The following POLG variants were observed in gnomAD, a reference collection of about 807,000 sequenced individuals.
POLG encodes the protein DNA polymerase gamma, catalytic subunit, also known as DNA polymerase subunit gamma-1.
Under a neutral mutation model 155.4 loss-of-function variants are expected in POLG, and 110 were observed. The ratio of observed to expected loss-of-function variants is 0.71; its 90% CI spans 0.61 to 0.83. The LOEUF (loss-of-function observed/expected upper bound fraction) is 0.83. POLG is among the 40% of genes least tolerant of loss of function. POLG has a pLI of 0.00. For missense variants in POLG, 1,685 were observed against 1,627.5 expected (o/e 1.04, Z -0.61); for synonymous variants, 701 against 631.5 (o/e 1.11, Z -1.65).
rs1567189935 is a variant in POLG at position 89,325,241 on chromosome 15, AGTGAGTG to A, written c.1949+202_1949+208del. On this transcript the variant is annotated intron_variant, in intron 10 of 22. Coordinates refer to ENST00000268124, the MANE Select transcript of POLG (RefSeq NM_002693.3). Reference sequence around the variant, plus strand: ...GAGTGAGAGAGTGAGTGAGAGAGTGAGTGAGTGAGAGAGAGAGTGAGTGAGTGAGTGA... The same window carrying A: ...GAGTGAGAGAGTGAGTGAGAGAGTGAAGAGAGAGAGTGAGTGAGTGAGTGA... Among the ~76,000 whole-genome samples the A allele has an allele frequency of 8.6e-4, 90 of 104,648 alleles. 16 individuals are homozygous for A. The highest frequency in any genetic ancestry group is 4.0e-3 in the African/African-American group (87 of 21,618). The allele number at this position is 104,648 out of a possible 152,430, so 68.7% of individuals were successfully genotyped here.
rs1567189977 is a variant in POLG, at chr15:89,325,255, AG to A, written c.1949+194del. 7.4e-4 allele frequency among the ~76,000 whole-genome samples: 29 copies of A among 39,216 alleles called. 8 individuals carry two copies. Among genetic ancestry groups the A allele is most frequent in the African/African-American group, 5.0e-3 (28 of 5,564 alleles). 25.7% of individuals were successfully genotyped at this position (39,216 alleles called of 152,430 possible). A position where few individuals can be genotyped will look rare whatever the true frequency, so the allele number is the denominator to read the frequency against. On this transcript the variant is annotated intron_variant, in intron 10 of 22. Transcript: ENST00000268124. ...GTGAGAGAGTGAGTGAGTGAGAGAG[AG>A]AGTGAGTGAGTGAGTGAGAGAGAGA...
Position 89,326,617 on chromosome 15 carries a change from G to T in POLG, c.1707C>A (p.His569Gln), listed in dbSNP as rs1567190758. Residue 569 changes from histidine (H) to glutamine (Q), a missense_variant, in exon 9 of 23, where the codon CAC becomes CAA. His to Gln is a conservative substitution (Grantham distance 24). Around this residue, in one of 3 missense-constraint regions of POLG, gnomAD observed 1,210 missense variants for 1,167.1 expected, o/e 1.04. Coordinates refer to ENST00000268124, the MANE Select transcript of POLG (RefSeq NM_002693.3). ...TGGGGGTGGGCAGGGCTCACCCAGGGTGTCCAGGAAGGTGCTGGGGCCGCT... is the reference window on the plus strand; with the variant it reads ...TGGGGGTGGGCAGGGCTCACCCAGGTTGTCCAGGAAGGTGCTGGGGCCGCT... ...LPKRPQHLPG[H>Q]PGWYRKLCPR... The T allele has an allele frequency of 6.2e-7, 1 of 1,613,750 alleles. No individual in the cohort carries two copies. The highest frequency in any genetic ancestry group is 1.1e-5 in the South Asian group (1 of 91,090).
At position 89,330,256 on chromosome 15, in the gene POLG, C is replaced by T. The variant is rs1462699597; in HGVS notation, c.680G>A (p.Arg227Gln). Residue 227 changes from arginine to glutamine, a missense_variant, in exon 3 of 23, where the codon CGG (arginine) becomes CAG (glutamine). Around this residue, in one of 3 missense-constraint regions of POLG, gnomAD observed 1,210 missense variants for 1,167.1 expected, o/e 1.04. Transcript: ENST00000268124. Reference sequence around the variant, plus strand: ...CCAAGAGTAACGCTCTTCCACCAGCCGCTGGCTGCACCAGGAATACCTGAG... The same window carrying T: ...CCAAGAGTAACGCTCTTCCACCAGCTGCTGGCTGCACCAGGAATACCTGAG... The part of the protein sequence containing the change: ...PSAWYSWCSQ[R>Q]LVEERYSWTS... The T allele has an allele frequency of 3.7e-6, 6 of 1,611,918 alleles. No individual in the cohort carries two copies. The highest frequency in any genetic ancestry group is 4.5e-5 in the East Asian group (2 of 44,876).
At chr15:89,321,934 A>G in intron 15 of POLG, 28 bp downstream of exon 15, 1 of 1,612,892 alleles carries the variant, frequency 6.2e-7, no homozygotes, top group Non-Finnish European at 8.5e-7. Context: ...CAGTTCTCCT[A>G]TCCCTACAAC....
intron 10 of POLG, chr15:89,324,440 T>C: frequency 1.5e-6 from 1 of 647,306 alleles, no homozygotes; most frequent in Non-Finnish European, 2.8e-6. Context: ...TTCAAGGCCT[T>C]GTCTCACTCA....
In POLG at chr15:89,325,197, AGTG is replaced by A. The variant is rs1567189779; in HGVS notation, c.1949+250_1949+252del. ...GAGTGAGAGAGTGAGTGAGTGAGAG[AGTG>A]AGTGAGAGAGTGAGTGAGTGAGAGA... On this transcript the variant is annotated intron_variant, in intron 10 of 22. Transcript: ENST00000268124. 4.0e-4 allele frequency among the ~76,000 whole-genome samples: 34 copies of A among 84,162 alleles called. 5 individuals carry two copies. The highest frequency in any genetic ancestry group is 1.5e-3 in the African/African-American group (31 of 20,366). 55.2% of individuals were successfully genotyped at this position (84,162 alleles called of 152,430 possible).
rs200072446 is a variant in POLG at position 89,325,065 on chromosome 15, T to A, written c.1949+385A>T. 4.7e-3 allele frequency among the ~76,000 whole-genome samples: 416 copies of A among 87,882 alleles called. 42 individuals are homozygous for A. The highest frequency in any genetic ancestry group is 0.018 in the African/African-American group (322 of 17,510). The allele number at this position is 87,882 out of a possible 152,430, so 57.7% of individuals were successfully genotyped here. A position where few individuals can be genotyped will look rare whatever the true frequency, so the allele number is the denominator to read the frequency against. Reference sequence around the variant, plus strand: ...GTGAGTGAGTGAGTGAGAGAGTGAGTGAGTGAGTGAGTGAGTGAGAGAGTG... The same window carrying A: ...GTGAGTGAGTGAGTGAGAGAGTGAGAGAGTGAGTGAGTGAGTGAGAGAGTG... On this transcript the variant is annotated intron_variant, in intron 10 of 22. Transcript: ENST00000268124.
chr15:89,321,879 G>A lies in POLG; in HGVS notation c.2481-26C>T, dbSNP rs112776049. ...CTGGTGGGGTGCAGGGGAAGGAAAT[G>A]GGTCTTAGCAGGGTGCTTTGGCCTT... On this transcript the variant is annotated intron_variant, in intron 15 of 22. Coordinates refer to ENST00000268124, the MANE Select transcript of POLG (RefSeq NM_002693.3). The A allele has an allele frequency of 1.0e-4, 167 of 1,607,880 alleles. 2 individuals are homozygous for A. In the African/African-American group the frequency reaches 1.9e-3, roughly 18 times the overall value.
intron 18 of POLG, among the ~76,000 whole-genome samples, chr15:89,320,557 G>A (rs1209598000): frequency 6.6e-6 from 1 of 152,216 alleles, no homozygotes; most frequent in Non-Finnish European, 1.5e-5. Flanking sequence ...TTACTCCCAT[G>A]AGGAAAAACT....
Position 89,326,768 on chromosome 15 carries a change from CAGG to C in POLG, c.1586-33_1586-31del, listed in dbSNP as rs1567190938. ...GAGGGTGGGGGAAGACAATCAGGAG[CAGG>C]AGAAGGAACTCTCAATAAGATCTGC... On this transcript the variant is annotated intron_variant, in intron 8 of 22. Coordinates refer to ENST00000268124, the MANE Select transcript of POLG (RefSeq NM_002693.3). 20 of 1,614,008 alleles carry C rather than the reference CAGG, an allele frequency of 1.2e-5. No homozygotes were observed. The highest frequency in any genetic ancestry group is 1.7e-5 in the Admixed American group (1 of 60,030).
In POLG at chr15:89,328,242, C is replaced by A. The variant is rs540868546; in HGVS notation, c.1250+214G>T. Among the ~76,000 whole-genome samples, 9 of 152,332 alleles carry A rather than the reference C, an allele frequency of 5.9e-5. No individual in the cohort carries two copies. In the South Asian group the frequency reaches 1.9e-3, roughly 32 times the overall value. On this transcript the variant is annotated intron_variant, in intron 6 of 22. Transcript: ENST00000268124. ...AAACCAGGACCGTGCACATGACACACAAGCACAACTCCATGGCCCTCCCCT... is the reference window on the plus strand; with the variant it reads ...AAACCAGGACCGTGCACATGACACAAAAGCACAACTCCATGGCCCTCCCCT...
intron 14 of POLG, 56 bp from the exon 15 acceptor site, chr15:89,322,071 C>A: frequency 6.6e-7 from 1 of 1,522,534 alleles, no homozygotes; most frequent in South Asian, 1.1e-5. Flanking sequence ...GAATCTATCC[C>A]ACATCCCACC....
At chr15:89,331,666 C>T (rs2055595600) in intron 2 of POLG, among the ~76,000 whole-genome samples, 1 of 152,214 alleles carries the variant, frequency 6.6e-6, no homozygotes, top group Non-Finnish European at 1.5e-5. Context: ...ACCGCTTCTC[C>T]TCCCATTGTA....
In POLG at chr15:89,328,699, G is replaced by T. The variant is rs199759055; in HGVS notation, c.1156C>A (p.Arg386Ser). Reference protein sequence around the residue: ...LFVKGTMKDIRENFQDLMQYC... With the variant: ...LFVKGTMKDISENFQDLMQYC... ...CAGCACCATACCTGGAAGTTCTCACGAATGTCCTTCATGGTGCCCTTCACA... is the reference window on the plus strand; with the variant it reads ...CAGCACCATACCTGGAAGTTCTCACTAATGTCCTTCATGGTGCCCTTCACA... The change falls in exon 5 of 23, where the codon CGT becomes AGT. Residue 386 changes from arginine (R) to serine (S), a missense_variant. Physicochemically the swap from Arg to Ser is moderately radical, Grantham distance 110. Around this residue, in one of 3 missense-constraint regions of POLG, gnomAD observed 1,210 missense variants for 1,167.1 expected, o/e 1.04. Coordinates refer to ENST00000268124, the MANE Select transcript of POLG (RefSeq NM_002693.3). The T allele has an allele frequency of 6.2e-7, 1 of 1,614,080 alleles. No homozygotes were observed. The highest frequency in any genetic ancestry group is 8.5e-7 in the Non-Finnish European group (1 of 1,180,022).
At chr15:89,316,955 G>A (rs958778078) in intron 22 of POLG, 128 bp from the exon 23 acceptor site, 11 of 745,986 alleles carry the variant, frequency 1.5e-5, no homozygotes, top group South Asian at 2.9e-5. Context: ...TGCCACGAAC[G>A]GTAATGTTAC....
intron 1 of POLG, among the ~76,000 whole-genome samples, chr15:89,334,164 G>A (rs1485275438): frequency 6.6e-6 from 1 of 152,220 alleles, no homozygotes; most frequent in Non-Finnish European, 1.5e-5. Context: ...TCTGGAGTAG[G>A]GCGACGCGGT....
In POLG at chr15:89,325,063, AGT is replaced by A. The variant is rs1567189081; in HGVS notation, c.1949+385_1949+386del. On this transcript the variant is annotated intron_variant, in intron 10 of 22. Transcript: ENST00000268124. ...GAGTGAGTGAGTGAGTGAGAGAGTG[AGT>A]GAGTGAGTGAGTGAGTGAGAGAGTG... Among the ~76,000 whole-genome samples, 4 of 103,320 alleles carry A rather than the reference AGT, an allele frequency of 3.9e-5. 1 individual carries two copies. The highest frequency in any genetic ancestry group is 1.3e-4 in the African/African-American group (3 of 23,572). 67.8% of individuals were successfully genotyped at this position (103,320 alleles called of 152,430 possible). A position where few individuals can be genotyped will look rare whatever the true frequency, so the allele number is the denominator to read the frequency against.
Position 89,325,518 on chromosome 15 carries a change from C to T in POLG, c.1881G>A (p.Arg627=). 1 of 1,611,790 alleles carries T rather than the reference C, an allele frequency of 6.2e-7. No homozygotes were observed. ...RHGWGYLVPG[R]RDNLAKLPTG... Reference sequence around the variant, plus strand: ...TCGGCAGCTTGGCCAGGTTGTCCCGCCGCCCAGGCACCAAGTAGCCCCAGC... The same window carrying T: ...TCGGCAGCTTGGCCAGGTTGTCCCGTCGCCCAGGCACCAAGTAGCCCCAGC... Residue 627 remains arginine, a synonymous_variant, in exon 10 of 23, where the codon CGG becomes CGA. Coordinates refer to ENST00000268124, the MANE Select transcript of POLG (RefSeq NM_002693.3).
At chr15:89,332,613 C>CCG (rs2055608504) in intron 2 of POLG, among the ~76,000 whole-genome samples, 1 of 60,434 alleles carries the variant, frequency 1.7e-5, no homozygotes, top group Non-Finnish European at 2.9e-5. Context: ...GGCAGGGGGG[C>CCG]GGGGGGGTGT....
Sources: allele counts gnomAD v4.1 joint callset (sites outside exome capture counted in the v4.1 genomes callset), GRCh38; gene constraint gnomAD v4.1.1; regional missense constraint gnomAD v4.1.1; transcripts MANE v1.5; gene names NCBI Gene and HGNC (gene_info 2026-07-23, HGNC 2026-07-21).